The following SPOP variants were observed in gnomAD, a reference collection of about 807,000 sequenced individuals.
The protein encoded by SPOP is speckle-type POZ protein.
In SPOP, 11 loss-of-function variants were observed where a neutral mutation model predicts 45.6. The observed-to-expected ratio is 0.24, with a 90% confidence interval of 0.15 to 0.40. SPOP has a LOEUF of 0.40. Ranked by LOEUF, SPOP falls within the 10% of genes least tolerant of loss-of-function variation. The pLI is 1.00. For missense variants in SPOP, 152 were observed against 465.6 expected (o/e 0.33, Z 6.20); for synonymous variants, 166 against 166.3 (o/e 1.00, Z 0.01).
At chr17:49,608,478 G>GA (rs562186534) in intron 6 of SPOP, among the ~76,000 whole-genome samples, 1 of 152,144 alleles carries the variant, frequency 6.6e-6, no homozygotes, top group Non-Finnish European at 1.5e-5. Flanking sequence ...GGTGGGGGGG[G>GA]AAAGAAACTT....
chr17:49,641,334 C>A (rs2072646546), intron 1 of SPOP, among the ~76,000 whole-genome samples: 1 of 142,368 alleles, frequency 7.0e-6, no homozygotes, highest in Non-Finnish European at 1.5e-5. Context: ...CCTGCTTCAT[C>A]ATTTTTTTTT....
rs764051603 is a variant in SPOP at position 49,612,457 on chromosome 17, AG to A, written c.481-1001del. On this transcript the variant is annotated intron_variant, in intron 5 of 9. Transcript: ENST00000504102. ...TGGCTGTAGCTACACATGCACTTAT[AG>A]CTTTGGAAGATAATGATGACAATAG... Among the ~76,000 whole-genome samples the A allele has an allele frequency of 7.2e-5, 11 of 152,344 alleles. No homozygotes were observed. The East Asian group carries it at 1.9e-3, about 27-fold the overall frequency.
chr17:49,619,470 T>TA lies in SPOP; in HGVS notation c.201-86dup. 2 of 1,433,012 alleles carry TA rather than the reference T, an allele frequency of 1.4e-6. No individual in the cohort carries two copies. The highest frequency in any genetic ancestry group is 1.9e-6 in the Non-Finnish European group (2 of 1,070,640). The allele number at this position is 1,433,012 out of a possible 1,614,324, so 88.8% of individuals were successfully genotyped here. A position where few individuals can be genotyped will look rare whatever the true frequency, so the allele number is the denominator to read the frequency against. On this transcript the variant is annotated intron_variant, in intron 3 of 9. Transcript: ENST00000504102. The surrounding 1 kb of genome is among the most constrained non-coding windows in gnomAD (Gnocchi z 4.9). ...ATCAGACTCAAGAGAGGGAGATGTT[T>TA]AAAAAACAAATGCAGGCCCCATAGA...
intron 5 of SPOP, among the ~76,000 whole-genome samples, chr17:49,616,548 A>G (rs2072090417): frequency 6.6e-6 from 1 of 152,262 alleles, no homozygotes; most frequent in South Asian, 2.1e-4. Flanking sequence ...TCAAAGGGAT[A>G]AAATGTGCAC....
chr17:49,651,891 C>T (rs1458796186), intron 1 of SPOP, among the ~76,000 whole-genome samples: 9 of 151,972 alleles, frequency 5.9e-5, no homozygotes, highest in Admixed American at 4.6e-4. Flanking sequence ...TGGTGGCGGG[C>T]GCCTGTAATC....
chr17:49,632,581 C>T (rs1040191654), intron 1 of SPOP, among the ~76,000 whole-genome samples: 2 of 152,026 alleles, frequency 1.3e-5, no homozygotes, highest in African/African-American at 4.8e-5. Flanking sequence ...CAACCTCCAC[C>T]TCCCGGGTTC....
intron 1 of SPOP, among the ~76,000 whole-genome samples, chr17:49,631,928 T>C (rs1209106604): frequency 6.6e-6 from 1 of 152,228 alleles, no homozygotes; most frequent in Non-Finnish European, 1.5e-5. Flanking sequence ...CCTATTTTAT[T>C]TTCTTCTTTA....
At chr17:49,667,293 T>TAA (rs34967563) in intron 1 of SPOP, among the ~76,000 whole-genome samples, 108 of 132,690 alleles carry the variant, frequency 8.1e-4, no homozygotes, top group African/African-American at 1.0e-3. Flanking sequence ...TCCAGAGCCT[T>TAA]AAAAAAAAAA....
chr17:49,627,068 C>T (rs1478128903), intron 1 of SPOP, among the ~76,000 whole-genome samples: 1 of 152,176 alleles, frequency 6.6e-6, no homozygotes, highest in South Asian at 2.1e-4. Context: ...CCAGGATGGT[C>T]TCGATCTCCT....
At chr17:49,664,585 T>G (rs1389152211) in intron 1 of SPOP, among the ~76,000 whole-genome samples, 1 of 152,110 alleles carries the variant, frequency 6.6e-6, no homozygotes, top group African/African-American at 2.4e-5. Context: ...TTTAACAGTG[T>G]AAAAACTCCT....
At chr17:49,671,762 T>C (rs2073138613) in intron 1 of SPOP, among the ~76,000 whole-genome samples, 1 of 152,144 alleles carries the variant, frequency 6.6e-6, no homozygotes. Flanking sequence ...TCCCAGGACT[T>C]TGGGAAGCAG....
intron 1 of SPOP, among the ~76,000 whole-genome samples, chr17:49,645,634 C>A (rs573296209): frequency 6.6e-6 from 1 of 152,232 alleles, no homozygotes; most frequent in Admixed American, 6.5e-5. Flanking sequence ...CCACAGTAAT[C>A]TGACATATCT....
intron 1 of SPOP, among the ~76,000 whole-genome samples, chr17:49,642,151 T>G (rs1240725391): frequency 6.6e-6 from 1 of 152,020 alleles, no homozygotes; most frequent in African/African-American, 2.4e-5. Flanking sequence ...TACTTGACAA[T>G]ATGTAGGATA....
At chr17:49,676,298 T>G (rs1033876869) in intron 1 of SPOP, among the ~76,000 whole-genome samples, 21 of 152,230 alleles carry the variant, frequency 1.4e-4, no homozygotes, top group African/African-American at 4.8e-4. Flanking sequence ...AAAGGTGAGT[T>G]TCCAGCTCTT....
At chr17:49,604,474 C>T (rs1380708655) in intron 8 of SPOP, among the ~76,000 whole-genome samples, 1 of 152,218 alleles carries the variant, frequency 6.6e-6, no homozygotes, top group Non-Finnish European at 1.5e-5. Context: ...AGGCACTTTC[C>T]TCTGTCCTCA....
intron 1 of SPOP, among the ~76,000 whole-genome samples, chr17:49,658,517 A>G (rs2072945336): frequency 6.6e-6 from 1 of 152,190 alleles, no homozygotes. Flanking sequence ...CAATATGTCA[A>G]AGTGGACTGC....
At chr17:49,621,185 G>A (rs1038611322) in intron 3 of SPOP, among the ~76,000 whole-genome samples, 4 of 152,292 alleles carry the variant, frequency 2.6e-5, no homozygotes, top group African/African-American at 9.6e-5. Context: ...TTGGTTCAGG[G>A]AATGCAAACG....
intron 1 of SPOP, among the ~76,000 whole-genome samples, chr17:49,664,191 T>A (rs1292474941): frequency 6.6e-6 from 1 of 152,220 alleles, no homozygotes; most frequent in Non-Finnish European, 1.5e-5. Context: ...TGGTGTAGTA[T>A]CAGAGAAGAA....
At chr17:49,660,143 C>G (rs2072967807) in intron 1 of SPOP, among the ~76,000 whole-genome samples, 1 of 152,224 alleles carries the variant, frequency 6.6e-6, no homozygotes, top group African/African-American at 2.4e-5. Flanking sequence ...AACCACTGCT[C>G]TACAACATTT....
Sources: gnomAD v4.1 joint callset for allele counts (sites outside exome capture counted in the v4.1 genomes callset) on GRCh38, gnomAD v4.1.1 for gene constraint, Gnocchi (gnomAD v3.1) non-coding constraint, MANE v1.5 for transcripts, NCBI Gene and HGNC (gene_info 2026-07-23, HGNC 2026-07-21) for gene names.